The following IL33 variants were observed in gnomAD, a reference collection of about 807,000 sequenced individuals.
IL33 encodes interleukin 33.
IL33 carries 37 observed loss-of-function variants against 27.3 expected under a neutral mutation model. The observed-to-expected ratio is 1.36, with a 90% confidence interval of 1.04 to 1.78. IL33 has a LOEUF of 1.78. IL33 is among the 40% of genes most tolerant of loss of function. The pLI is 0.00. For missense variants in IL33, 406 were observed against 311.4 expected, an observed-to-expected ratio of 1.30 and a Z score of -2.29; for synonymous variants, 132 against 102.9, an observed-to-expected ratio of 1.28 and a Z score of -1.71.
intron 1 of IL33, among the ~76,000 whole-genome samples, chr9:6,227,669 C>T (rs1818703852): frequency 6.6e-6 from 1 of 152,136 alleles, no homozygotes; most frequent in South Asian, 2.1e-4. Context: ...AATGCTTTCT[C>T]CTTATAATGC....
At chr9:6,240,971 C>G (rs1819492796) in intron 1 of IL33, among the ~76,000 whole-genome samples, 1 of 151,880 alleles carries the variant, frequency 6.6e-6, no homozygotes, top group African/African-American at 2.4e-5. Flanking sequence ...ACTTTTTACG[C>G]TTTTTCCTTA....
rs1816760129 is a variant in IL33, at chr9:6,256,838, G to C, written c.*670G>C. On this transcript the variant is annotated 3_prime_UTR_variant, in exon 8 of 8. Coordinates refer to ENST00000682010, the MANE Select transcript of IL33 (RefSeq NM_033439.4). Reference sequence around the variant, plus strand: ...AAAATAAATCCAGTATTTGTAAAGTGAATAACTTCATTTCTAATTGTTTAA... The same window carrying C: ...AAAATAAATCCAGTATTTGTAAAGTCAATAACTTCATTTCTAATTGTTTAA... The C allele has an allele frequency of 1.3e-5, 2 of 152,434 alleles. No individual in the cohort carries two copies. Among genetic ancestry groups the C allele is most frequent in the Admixed American group, 1.3e-4 (2 of 15,274 alleles). The allele number at this position is 152,434 out of a possible 1,614,324, so 9.4% of individuals were successfully genotyped here. A position where few individuals can be genotyped will look rare whatever the true frequency, so the allele number is the denominator to read the frequency against.
In IL33 at chr9:6,247,991, T is replaced by A. The variant is rs377750916; in HGVS notation, c.92-2483T>A. On this transcript the variant is annotated intron_variant, in intron 2 of 7. Coordinates refer to ENST00000682010, the MANE Select transcript of IL33 (RefSeq NM_033439.4). ...ACCCTCACTTTTAACTACCCAAGAC[T>A]GATATCCTGTTCCCCCCAGAGTCCA... Among the ~76,000 whole-genome samples, 3 of 152,026 alleles carry A rather than the reference T, an allele frequency of 2.0e-5. No individual in the cohort carries two copies. In the South Asian group the frequency reaches 6.2e-4, roughly 32 times the overall value.
chr9:6,244,815 G>A (rs929655376), intron 2 of IL33, among the ~76,000 whole-genome samples: 1 of 152,160 alleles, frequency 6.6e-6, no homozygotes, highest in African/African-American at 2.4e-5. Context: ...CACAAGGCAA[G>A]AAAGCACATT....
At position 6,241,786 on chromosome 9, in the gene IL33, G is replaced by A. The variant is rs1406669664; in HGVS notation, c.91+1G>A. 2 of 1,603,480 alleles carry A rather than the reference G, an allele frequency of 1.2e-6. No individual in the cohort carries two copies. Among genetic ancestry groups the A allele is most frequent in the East Asian group, 4.5e-5 (2 of 44,636 alleles). On this transcript the variant is annotated splice_donor_variant, in intron 2 of 7. Coordinates refer to ENST00000682010, the MANE Select transcript of IL33 (RefSeq NM_033439.4). LOFTEE classifies it high-confidence loss of function. ...AAAGCCTTGTGTTTCAAGCTGGGAA[G>A]TAAGGACTTAAGTTATCTCTGAATG...
Position 6,255,951 on chromosome 9 carries a change from C to T in IL33, c.613-17C>T, listed in dbSNP as rs763910887. The stretch of plus-strand genomic sequence containing the variant: ...TTCCCATTCACATATGGATTGCTTT[C>T]TCTCTTGTTTCCTCAGCTCCATAAG... On this transcript the variant is annotated splice_polypyrimidine_tract_variant and intron_variant, in intron 7 of 7. Transcript: ENST00000682010. The T allele has an allele frequency of 4.3e-6, 7 of 1,609,518 alleles. No homozygotes were observed. Among genetic ancestry groups the T allele is most frequent in the Non-Finnish European group, 6.0e-6 (7 of 1,176,142 alleles).
At chr9:6,251,289 G>T in intron 4 of IL33, 24 bp downstream of exon 4, 1 of 1,611,198 alleles carries the variant, frequency 6.2e-7, no homozygotes, top group South Asian at 1.1e-5. Context: ...CAGGGGTGAT[G>T]TGGGAGTGAG....
intron 6 of IL33, 87 bp from the exon 7 acceptor site, chr9:6,254,375 T>C (rs1012961051): frequency 1.0e-5 from 8 of 776,834 alleles, no homozygotes; most frequent in Non-Finnish European, 1.6e-5. Context: ...TGTAACATCT[T>C]AGACTTTTTT....
chr9:6,216,916 T>C (rs990446981), intron 1 of IL33, among the ~76,000 whole-genome samples: 1 of 152,166 alleles, frequency 6.6e-6, no homozygotes, highest in Non-Finnish European at 1.5e-5. Context: ...ACTGAAACCA[T>C]GGCATGGCAG....
intron 1 of IL33, among the ~76,000 whole-genome samples, chr9:6,239,785 C>A (rs1312280974): frequency 6.6e-6 from 1 of 152,112 alleles, no homozygotes; most frequent in Non-Finnish European, 1.5e-5. Context: ...TAGACCCCTC[C>A]CTATTCAACT....
Position 6,222,812 on chromosome 9 carries a change from A to AT in IL33, c.-12+6970dup, listed in dbSNP as rs369112246. On this transcript the variant is annotated intron_variant, in intron 1 of 7. Coordinates refer to ENST00000682010, the MANE Select transcript of IL33 (RefSeq NM_033439.4). ...GAAAGTGTTGATGTTGTATTAACTG[A>AT]TTTTTTTTTTACTTGGTAGCTACAT... Among the ~76,000 whole-genome samples the AT allele has an allele frequency of 7.6e-3, 1,147 of 150,102 alleles. 13 individuals carry two copies. The highest frequency in any genetic ancestry group is 0.026 in the African/African-American group (1,086 of 41,054).
intron 1 of IL33, among the ~76,000 whole-genome samples, chr9:6,233,635 T>C (rs1229815238): frequency 3.3e-5 from 5 of 152,172 alleles, no homozygotes; most frequent in Admixed American, 3.3e-4. Flanking sequence ...AAATATATCT[T>C]CTCATTTAAT....
chr9:6,232,991 A>T (rs1425712559), intron 1 of IL33, among the ~76,000 whole-genome samples: 1 of 152,220 alleles, frequency 6.6e-6, no homozygotes, highest in Admixed American at 6.5e-5. Flanking sequence ...ACCATTTTTT[A>T]AAATTGTGGT....
chr9:6,251,870 T>A (rs144288804), intron 4 of IL33, among the ~76,000 whole-genome samples: 1 of 151,252 alleles, frequency 6.6e-6, no homozygotes, highest in African/African-American at 2.4e-5. Context: ...CGAAACCCTG[T>A]CTCTACTAAA....
chr9:6,234,892 A>G (rs1027774794), intron 1 of IL33, among the ~76,000 whole-genome samples: 4 of 152,212 alleles, frequency 2.6e-5, no homozygotes, highest in African/African-American at 9.7e-5. Flanking sequence ...GATAAAATTC[A>G]AACTCCTTAT....
intron 1 of IL33, among the ~76,000 whole-genome samples, chr9:6,218,730 CAT>C (rs1351054924): frequency 1.9e-5 from 2 of 107,730 alleles, no homozygotes; most frequent in African/African-American, 3.2e-5. Context: ...ATATGTTCTC[CAT>C]ATATATATAT....
intron 1 of IL33, among the ~76,000 whole-genome samples, chr9:6,240,461 C>T (rs1819465872): frequency 6.6e-6 from 1 of 152,132 alleles, no homozygotes; most frequent in South Asian, 2.1e-4. Context: ...GCAGAGGAAG[C>T]CTTCAGGTTG....
At chr9:6,227,595 CTT>C (rs779191795) in intron 1 of IL33, among the ~76,000 whole-genome samples, 1 of 151,996 alleles carries the variant, frequency 6.6e-6, no homozygotes, top group Non-Finnish European at 1.5e-5. Context: ...ATGCAATATT[CTT>C]TTTTCAGAAA....
chr9:6,251,412 T>A, intron 4 of IL33, 147 bp downstream of exon 4: 2 of 1,154,838 alleles, frequency 1.7e-6, no homozygotes, highest in Non-Finnish European at 2.4e-6. Flanking sequence ...TGTACCCATC[T>A]AATAGTATCC....
Sources: gnomAD v4.1 joint callset for allele counts (sites outside exome capture counted in the v4.1 genomes callset) on GRCh38, gnomAD v4.1.1 for gene constraint, MANE v1.5 for transcripts, NCBI Gene and HGNC (gene_info 2026-07-23, HGNC 2026-07-21) for gene names.